Variants in EFNB1 observed in about 807,000 individuals in gnomAD.
The protein encoded by EFNB1 is ephrin-B1.
A neutral mutation model predicts 18.1 loss-of-function variants in EFNB1; 1 was observed. The observed-to-expected ratio is 0.06, with a 90% CI of 0.02 to 0.26. The LOEUF (loss-of-function observed/expected upper bound fraction) is 0.26, where lower values mean the gene tolerates loss of function less well. Ranked by LOEUF, EFNB1 falls within the 10% of genes least tolerant of loss-of-function variation. The probability of loss-of-function intolerance (pLI) is 1.00; values close to 1 mark genes in which losing one functional copy is unlikely to be tolerated. For missense variants in EFNB1, 221 were observed against 301.8 expected (o/e 0.73, Z 1.98); for synonymous variants, 131 against 127.5 (o/e 1.03, Z -0.19).
At position 68,829,469 on chromosome X, in the gene EFNB1, A is replaced by C; in HGVS notation, c.-308A>C. ...GAAGCGTCTCGGGAAGTCGAGCGGA[A>C]TCGGGCGGGATCACCCGGGGGCGCA... is the stretch of plus-strand genomic sequence containing the variant. On this transcript the variant is annotated 5_prime_UTR_variant, in exon 1 of 5. Transcript: ENST00000204961. 3 of 317,119 alleles carry C rather than the reference A, an allele frequency of 9.5e-6. No individual in the cohort carries two copies. Among genetic ancestry groups the C allele is most frequent in the East Asian group, 6.8e-5 (1 of 14,678 alleles). 26.1% of individuals were successfully genotyped at this position (317,119 alleles called of 1,213,427 possible).
intron 1 of EFNB1, among the ~76,000 whole-genome samples, chrX:68,833,004 C>A (rs959163708): frequency 2.8e-4 from 31 of 110,466 alleles, no homozygotes; most frequent in Admixed American, 6.7e-4. Flanking sequence ...TCCTGCCCCC[C>A]ACTCAGGTTC....
chrX:68,838,222 C>T (rs1464719369), intron 1 of EFNB1, among the ~76,000 whole-genome samples: 1 of 106,716 alleles, frequency 9.4e-6, no homozygotes, highest in Non-Finnish European at 1.9e-5. Flanking sequence ...GTAGTAGCAG[C>T]GGTCATGAAG....
At chrX:68,832,829 T>TGTGTG (rs1360930053) in intron 1 of EFNB1, among the ~76,000 whole-genome samples, 4 of 109,420 alleles carry the variant, frequency 3.7e-5, no homozygotes, top group Non-Finnish European at 5.7e-5. Context: ...TGTGTGTGTG[T>TGTGTG]GTGTGTGTGT....
chrX:68,830,554 G>T (rs2080442122), intron 1 of EFNB1, among the ~76,000 whole-genome samples: 1 of 113,172 alleles, frequency 8.8e-6, no homozygotes, highest in African/African-American at 3.2e-5. Flanking sequence ...CAAAGGCAGC[G>T]GGTGGAGAGG....
chrX:68,837,799 G>A (rs981152895), intron 1 of EFNB1, among the ~76,000 whole-genome samples: 10 of 112,394 alleles, frequency 8.9e-5, no homozygotes, highest in Middle Eastern at 4.6e-3. Context: ...ATGATCTGTT[G>A]TCTCTGGTTG....
intron 1 of EFNB1, among the ~76,000 whole-genome samples, chrX:68,833,018 C>T (rs950192861): frequency 1.8e-5 from 2 of 110,439 alleles, no homozygotes; most frequent in Non-Finnish European, 3.8e-5. Context: ...CAGGTTCCCC[C>T]ACCTCCAGGG....
chrX:68,838,940 CTCTT>C lies in EFNB1; in HGVS notation c.406+49_406+52del, dbSNP rs777382965. ...CCTCTGGCTCTCTCCCTGGGCTTAA[CTCTT>C]TCCTCTCCTGTAGTAGTGGGAGCTT... is the stretch of plus-strand genomic sequence containing the variant. On this transcript the variant is annotated intron_variant, in intron 2 of 4. Coordinates refer to ENST00000204961, the MANE Select transcript of EFNB1 (RefSeq NM_004429.5). 2.6e-6 allele frequency: 3 copies of C among 1,166,820 alleles called. No homozygotes were observed. In the African/African-American group the frequency reaches 5.4e-5, roughly 21 times the overall value.
At chrX:68,833,249 G>A (rs779851960) in intron 1 of EFNB1, among the ~76,000 whole-genome samples, 5 of 111,338 alleles carry the variant, frequency 4.5e-5, no homozygotes, top group Non-Finnish European at 7.5e-5. Flanking sequence ...GCCCTTTTCC[G>A]GGGTGGTTAG....
chrX:68,833,991 C>G (rs900840134), intron 1 of EFNB1, among the ~76,000 whole-genome samples: 1 of 112,176 alleles, frequency 8.9e-6, no homozygotes, highest in Non-Finnish European at 1.9e-5. Flanking sequence ...GTGTTGTGTG[C>G]CATTCATTCC....
intron 2 of EFNB1, 39 bp from the exon 3 acceptor site, chrX:68,839,625 C>T: frequency 1.7e-6 from 2 of 1,175,867 alleles, no homozygotes; most frequent in Non-Finnish European, 2.3e-6. Context: ...ACCTTTCTCT[C>T]CTCCTGACTT....
chrX:68,831,872 C>T (rs1318961855), intron 1 of EFNB1, among the ~76,000 whole-genome samples: 1 of 109,999 alleles, frequency 9.1e-6, no homozygotes, highest in Non-Finnish European at 1.9e-5. Context: ...TGAGGGCAGG[C>T]ATTGTGGGGT....
chrX:68,839,515 A>G, intron 2 of EFNB1, 149 bp from the exon 3 acceptor site: 2 of 545,982 alleles, frequency 3.7e-6, no homozygotes, highest in Non-Finnish European at 6.3e-6. Flanking sequence ...GAAGAAAATG[A>G]AAAGGTTCAC....
Position 68,840,963 on chromosome X carries a change from C to G in EFNB1, c.*309C>G, listed in dbSNP as rs1255341125. 6 of 359,937 alleles carry G rather than the reference C, an allele frequency of 1.7e-5. No homozygotes were observed. Among genetic ancestry groups the G allele is most frequent in the Non-Finnish European group, 2.4e-5 (5 of 205,954 alleles). The allele number at this position is 359,937 out of a possible 1,213,427, so 29.7% of individuals were successfully genotyped here. On this transcript the variant is annotated 3_prime_UTR_variant, in exon 5 of 5. Transcript: ENST00000204961. ...GCAGGGAGACAGTCCCCTGGCCCTG[C>G]CCCTCCCTCGCCCCCCTTGCCACCT...
Position 68,840,888 on chromosome X carries a change from G to A in EFNB1, c.*234G>A, listed in dbSNP as rs1000100104. The A allele has an allele frequency of 3.0e-5, 13 of 428,654 alleles. No individual in the cohort carries two copies. The highest frequency in any genetic ancestry group is 1.8e-4 in the South Asian group (5 of 27,959). The allele number at this position is 428,654 out of a possible 1,213,427, so 35.3% of individuals were successfully genotyped here. On this transcript the variant is annotated 3_prime_UTR_variant, in exon 5 of 5. Transcript: ENST00000204961. ...CCCTCTGGCCAGGCCTCTGGGCTCC[G>A]TGGGGGCGCCCCTTCTTGGAAGGCA... is the stretch of plus-strand genomic sequence containing the variant.
chrX:68,835,138 A>C (rs1237868041), intron 1 of EFNB1, among the ~76,000 whole-genome samples: 2 of 111,289 alleles, frequency 1.8e-5, no homozygotes, highest in East Asian at 5.8e-4. Context: ...TAGAGGGGGA[A>C]GAGCTGGAAT....
At position 68,840,799 on chromosome X, in the gene EFNB1, C is replaced by A; in HGVS notation, c.*145C>A. On this transcript the variant is annotated 3_prime_UTR_variant, in exon 5 of 5. Coordinates refer to ENST00000204961, the MANE Select transcript of EFNB1 (RefSeq NM_004429.5). The stretch of plus-strand genomic sequence containing the variant: ...CTTGGCTTTTATAATCCCCCTTTTT[C>A]CCTGCCCCCTGGGCTTCGGAGGGGG... 1 of 689,459 alleles carries A rather than the reference C, an allele frequency of 1.5e-6. No individual in the cohort carries two copies. Among genetic ancestry groups the A allele is most frequent in the Non-Finnish European group, 2.2e-6 (1 of 460,477 alleles). The allele number at this position is 689,459 out of a possible 1,213,427, so 56.8% of individuals were successfully genotyped here.
chrX:68,839,048 T>C (rs772897603), intron 2 of EFNB1, among the ~76,000 whole-genome samples, 154 bp downstream of exon 2: 1 of 112,302 alleles, frequency 8.9e-6, no homozygotes, highest in Non-Finnish European at 1.9e-5. Context: ...TGTTCTCCTC[T>C]TAGCCTGGCC....
At chrX:68,839,077 C>T (rs898845664) in intron 2 of EFNB1, among the ~76,000 whole-genome samples, 183 bp downstream of exon 2, 1 of 112,410 alleles carries the variant, frequency 8.9e-6, no homozygotes, top group Non-Finnish European at 1.9e-5. Flanking sequence ...CTCGCCCCAA[C>T]ATTTACCAAG....
In EFNB1 at chrX:68,829,319, G is replaced by A; in HGVS notation, c.-458G>A. The A allele has an allele frequency of 6.1e-6, 1 of 163,721 alleles. No homozygotes were observed. The highest frequency in any genetic ancestry group is 1.2e-5 in the Non-Finnish European group (1 of 86,251). The allele number at this position is 163,721 out of a possible 1,213,427, so 13.5% of individuals were successfully genotyped here. A position where few individuals can be genotyped will look rare whatever the true frequency, so the allele number is the denominator to read the frequency against. ...CGGCCCAGTCGGGAGCCCGGGGACC[G>A]AGCTTGTGCTGTGGGGAAACCCCCA... On this transcript the variant is annotated 5_prime_UTR_variant, in exon 1 of 5. Coordinates refer to ENST00000204961, the MANE Select transcript of EFNB1 (RefSeq NM_004429.5).
Sources: gnomAD v4.1 joint callset for allele counts (sites outside exome capture counted in the v4.1 genomes callset) on GRCh38, gnomAD v4.1.1 for gene constraint, MANE v1.5 for transcripts, NCBI Gene and HGNC (gene_info 2026-07-23, HGNC 2026-07-21) for gene names.